Variants in SLC2A13 observed in about 807,000 individuals in gnomAD.
SLC2A13 encodes solute carrier family 2 member 13, also known as proton myo-inositol cotransporter.
SLC2A13 carries 32 observed loss-of-function variants against 64.4 expected under a neutral mutation model. The observed-to-expected ratio is 0.50, with a 90% CI of 0.37 to 0.67. The LOEUF is 0.67. SLC2A13 is among the 30% of genes least tolerant of loss of function. The pLI, the probability that SLC2A13 is intolerant of heterozygous loss-of-function variation, is 0.00. For missense variants in SLC2A13, 743 were observed against 829.2 expected (o/e 0.90, Z 1.28); for synonymous variants, 338 against 327.1 (o/e 1.03, Z -0.36).
Position 39,917,282 on chromosome 12 carries a change from C to T in SLC2A13, c.1034+33975G>A, listed in dbSNP as rs61933468. Among the ~76,000 whole-genome samples the T allele has an allele frequency of 2.4e-3, 362 of 152,078 alleles. 4 individuals are homozygous for T. Among genetic ancestry groups the T allele is most frequent in the South Asian group, 5.8e-3 (28 of 4,816 alleles). ...TTAGCTCAGGAAACAGGGAAAGGAA[C>T]AACATTTATTCAGAAGAAATGGCAT... On this transcript the variant is annotated intron_variant, in intron 4 of 9. Coordinates refer to ENST00000280871, the MANE Select transcript of SLC2A13 (RefSeq NM_052885.4).
At chr12:39,763,283 A>G (rs1258725199) in intron 9 of SLC2A13, among the ~76,000 whole-genome samples, 3 of 152,224 alleles carry the variant, frequency 2.0e-5, no homozygotes, top group Non-Finnish European at 4.4e-5. Flanking sequence ...ATTAGGAGAG[A>G]GAAGAGTTTT....
At chr12:39,952,756 C>T (rs1000371424) in intron 3 of SLC2A13, among the ~76,000 whole-genome samples, 11 of 152,172 alleles carry the variant, frequency 7.2e-5, no homozygotes, top group African/African-American at 2.6e-4. Context: ...GCCTTAGATT[C>T]GAGCAAAGCA....
At chr12:40,049,817 T>C (rs567712920) in intron 1 of SLC2A13, among the ~76,000 whole-genome samples, 2 of 152,288 alleles carry the variant, frequency 1.3e-5, no homozygotes, top group African/African-American at 4.8e-5. Flanking sequence ...ATTCACTGTA[T>C]TATTGCATAA....
At chr12:40,074,951 A>G (rs897643415) in intron 1 of SLC2A13, among the ~76,000 whole-genome samples, 41 of 152,158 alleles carry the variant, frequency 2.7e-4, no homozygotes, top group Non-Finnish European at 2.8e-4. Context: ...GGAGTTTAAT[A>G]TTCCCCTTTT....
chr12:40,039,487 A>G (rs1309059721), intron 2 of SLC2A13, among the ~76,000 whole-genome samples: 1 of 152,118 alleles, frequency 6.6e-6, no homozygotes, highest in Non-Finnish European at 1.5e-5. Context: ...AATTTATTGC[A>G]TTTATTCAGC....
chr12:39,973,143 T>C (rs957976524), intron 3 of SLC2A13, among the ~76,000 whole-genome samples: 1 of 152,218 alleles, frequency 6.6e-6, no homozygotes, highest in African/African-American at 2.4e-5. Context: ...AACTCCATTC[T>C]AAGCAGGCTT....
intron 4 of SLC2A13, among the ~76,000 whole-genome samples, chr12:39,927,807 C>T (rs528528772): frequency 2.0e-5 from 3 of 152,234 alleles, no homozygotes; most frequent in South Asian, 2.1e-4. Flanking sequence ...CAAAATACTA[C>T]GCCAGAGATA....
chr12:39,782,349 G>A (rs750429655), intron 7 of SLC2A13, among the ~76,000 whole-genome samples: 43 of 152,126 alleles, frequency 2.8e-4, no homozygotes, highest in Non-Finnish European at 5.0e-4. Flanking sequence ...GGGGGCGGCC[G>A]GTCTTTTCTA....
intron 1 of SLC2A13, among the ~76,000 whole-genome samples, chr12:40,092,537 A>G (rs1216363442): frequency 6.6e-6 from 1 of 152,116 alleles, no homozygotes; most frequent in Non-Finnish European, 1.5e-5. Flanking sequence ...ACACTTACAC[A>G]TGTTTTTTGT....
chr12:39,830,627 A>G (rs1225372449), intron 6 of SLC2A13: 4 of 263,936 alleles, frequency 1.5e-5, no homozygotes, highest in Non-Finnish European at 1.8e-5. Context: ...ATTTCTCTCA[A>G]TTGTCTACCT....
intron 7 of SLC2A13, among the ~76,000 whole-genome samples, chr12:39,798,701 A>G (rs1941665958): frequency 6.6e-6 from 1 of 152,184 alleles, no homozygotes; most frequent in South Asian, 2.1e-4. Context: ...GATCACATCC[A>G]TTCCAGTCTT....
In SLC2A13 at chr12:39,951,367, T is replaced by C; in HGVS notation, c.926-2A>G. On this transcript the variant is annotated splice_acceptor_variant, in intron 3 of 9. Coordinates refer to ENST00000280871, the MANE Select transcript of SLC2A13 (RefSeq NM_052885.4). LOFTEE classifies it high-confidence loss of function. ...GCATTCTGCAGATCACAGGTCCAGC[T>C]TTTTTAAGAAAGAAAGAAAAAAAAA... 6.5e-7 allele frequency: 1 copy of C among 1,540,118 alleles called. No homozygotes were observed. Among genetic ancestry groups the C allele is most frequent in the Non-Finnish European group, 8.7e-7 (1 of 1,150,370 alleles).
intron 4 of SLC2A13, among the ~76,000 whole-genome samples, chr12:39,897,622 G>C (rs141651951): frequency 6.6e-6 from 1 of 152,148 alleles, no homozygotes; most frequent in Non-Finnish European, 1.5e-5. Context: ...TTGAGCACTA[G>C]AAATATGGCT....
chr12:39,908,995 T>G (rs1486479684), intron 4 of SLC2A13, among the ~76,000 whole-genome samples: 5 of 120,218 alleles, frequency 4.2e-5, no homozygotes, highest in South Asian at 5.4e-4. Flanking sequence ...AAAGAAAGAG[T>G]TTTTTTTTAC....
chr12:39,929,617 A>T (rs1201496388), intron 4 of SLC2A13, among the ~76,000 whole-genome samples: 4 of 151,978 alleles, frequency 2.6e-5, no homozygotes, highest in Admixed American at 2.0e-4. Flanking sequence ...AGGGGTAAAG[A>T]GCATTTCTAC....
intron 6 of SLC2A13, among the ~76,000 whole-genome samples, chr12:39,847,354 C>A (rs1404519666): frequency 6.6e-6 from 1 of 152,116 alleles, no homozygotes; most frequent in African/African-American, 2.4e-5. Context: ...GGCTCCACCT[C>A]CCTCCTCCCG....
In SLC2A13 at chr12:40,105,395, T is replaced by A. The variant is rs1204036316; in HGVS notation, c.414A>T (p.Gly138=). The change falls in exon 1 of 10, where the codon GGA becomes GGT. Residue 138 remains glycine (G), a synonymous_variant. Transcript: ENST00000280871. The surrounding 1 kb of genome is among the most constrained non-coding windows in gnomAD (Gnocchi z 4.2). ...VGAAAVSALA[G]GALNGVFGRR... ...GGCCGAAGACGCCGTTGAGGGCGCC[T>A]CCGGCCAGCGCCGAGACGGCAGCCG... 6.4e-7 allele frequency: 1 copy of A among 1,556,622 alleles called. No homozygotes were observed. The highest frequency in any genetic ancestry group is 1.2e-5 in the South Asian group (1 of 85,376).
intron 3 of SLC2A13, among the ~76,000 whole-genome samples, chr12:40,014,222 C>T (rs543936440): frequency 6.6e-6 from 1 of 152,286 alleles, no homozygotes; most frequent in South Asian, 2.1e-4. Flanking sequence ...AAACAAAACT[C>T]ACCCAACTAA....
At chr12:39,989,507 T>C (rs1947094503) in intron 3 of SLC2A13, among the ~76,000 whole-genome samples, 1 of 152,194 alleles carries the variant, frequency 6.6e-6, no homozygotes, top group Admixed American at 6.5e-5. Context: ...GTGCCCCCAA[T>C]GGTGCCTGGC....
Sources: allele counts gnomAD v4.1 joint callset (sites outside exome capture counted in the v4.1 genomes callset), GRCh38; gene constraint gnomAD v4.1.1; non-coding constraint Gnocchi (gnomAD v3.1); transcripts MANE v1.5; gene names NCBI Gene and HGNC (gene_info 2026-07-23, HGNC 2026-07-21).